Variants in GADL1 observed in about 807,000 individuals in gnomAD.
GADL1 encodes GAD like acidic amino acid decarboxylase 1, also known as acidic amino acid decarboxylase GADL1.
GADL1 carries 71 observed loss-of-function variants against 69.5 expected under a neutral mutation model. The observed-to-expected ratio is 1.02, with a 90% CI of 0.84 to 1.25. GADL1 has a LOEUF of 1.25. GADL1 is among the 50% of genes most tolerant of loss of function. The pLI is 0.00. For missense variants in GADL1, 737 were observed against 631.8 expected (o/e 1.17, Z -1.79); for synonymous variants, 254 against 214.4 (o/e 1.18, Z -1.62).
Position 30,728,302 on chromosome 3 carries a change from CACTT to C in GADL1, c.1502_1505del (p.Gln501ArgfsTer13). 1.2e-6 allele frequency: 2 copies of C among 1,613,910 alleles called. No homozygotes were observed. The highest frequency in any genetic ancestry group is 1.7e-6 in the Non-Finnish European group (2 of 1,179,840). On this transcript the variant is annotated frameshift_variant, in exon 15 of 15. Transcript: ENST00000282538. LOFTEE classifies it high-confidence loss of function. Reference sequence around the variant, plus strand: ...GGAGGAAGTCCATGTCCTCCCGGCTCACTTGAGGGCTGATCACCACCTGGCGGAA... The same window carrying C: ...GGAGGAAGTCCATGTCCTCCCGGCTCGAGGGCTGATCACCACCTGGCGGAA...
intron 3 of GADL1, among the ~76,000 whole-genome samples, 188 bp downstream of exon 3, chr3:30,856,827 C>G (rs552923702): frequency 6.6e-6 from 1 of 151,992 alleles, no homozygotes; most frequent in Non-Finnish European, 1.5e-5. Flanking sequence ...TTCCTGTCAA[C>G]TTATCTTTGG....
intron 12 of GADL1, among the ~76,000 whole-genome samples, chr3:30,796,642 C>T (rs1208248254): frequency 6.6e-6 from 1 of 152,094 alleles, no homozygotes; most frequent in Non-Finnish European, 1.5e-5. Flanking sequence ...ATCCATCTTC[C>T]TCCATAGGAA....
chr3:30,862,113 T>C (rs901395121), intron 1 of GADL1, among the ~76,000 whole-genome samples: 14 of 151,946 alleles, frequency 9.2e-5, no homozygotes, highest in Non-Finnish European at 1.8e-4. Context: ...CCATGCTAGA[T>C]GGTGTTTGAA....
At chr3:30,815,816 G>A (rs982125548) in intron 11 of GADL1, among the ~76,000 whole-genome samples, 1 of 152,136 alleles carries the variant, frequency 6.6e-6, no homozygotes, top group Non-Finnish European at 1.5e-5. Context: ...TGGGAAACAG[G>A]GTTGATCCAT....
At chr3:30,849,387 A>G (rs1299841603) in intron 6 of GADL1, among the ~76,000 whole-genome samples, 1 of 152,184 alleles carries the variant, frequency 6.6e-6, no homozygotes, top group Non-Finnish European at 1.5e-5. Context: ...GCACAAAGAA[A>G]TTAACTCACT....
chr3:30,746,409 C>G (rs972625335), intron 14 of GADL1, among the ~76,000 whole-genome samples: 1 of 152,112 alleles, frequency 6.6e-6, no homozygotes, highest in African/African-American at 2.4e-5. Context: ...CCAAATTTTC[C>G]CATGATTTTA....
chr3:30,790,003 T>G (rs1190252795), intron 12 of GADL1, among the ~76,000 whole-genome samples: 1 of 152,224 alleles, frequency 6.6e-6, no homozygotes, highest in Non-Finnish European at 1.5e-5. Flanking sequence ...TCAAGAACTT[T>G]TCCTTTGCAT....
chr3:30,861,130 C>T (rs1057505047), intron 2 of GADL1, among the ~76,000 whole-genome samples: 1 of 151,902 alleles, frequency 6.6e-6, no homozygotes, highest in African/African-American at 2.4e-5. Flanking sequence ...TAAATTTAGA[C>T]AAGCTCTTCA....
chr3:30,760,898 G>T (rs950817766), intron 14 of GADL1, among the ~76,000 whole-genome samples: 3 of 152,210 alleles, frequency 2.0e-5, no homozygotes, highest in Non-Finnish European at 2.9e-5. Context: ...AGGACATAGG[G>T]AAACTGGCCA....
At chr3:30,880,481 T>C (rs985345817) in intron 1 of GADL1, among the ~76,000 whole-genome samples, 6 of 151,866 alleles carry the variant, frequency 4.0e-5, no homozygotes, top group Non-Finnish European at 7.4e-5. Context: ...TAAAGGACAG[T>C]TCCCCTGCCC....
intron 6 of GADL1, among the ~76,000 whole-genome samples, chr3:30,846,045 T>G (rs1698048446): frequency 7.2e-6 from 1 of 138,986 alleles, no homozygotes; most frequent in Non-Finnish European, 1.5e-5. Flanking sequence ...CAATCTGAGA[T>G]AGATAGATCA....
At chr3:30,877,772 G>A (rs1698597868) in intron 1 of GADL1, among the ~76,000 whole-genome samples, 1 of 151,788 alleles carries the variant, frequency 6.6e-6, no homozygotes, top group Admixed American at 6.6e-5. Flanking sequence ...TCTGTTAAAG[G>A]GGCAAAATCT....
In GADL1 at chr3:30,797,370, ATC is replaced by A. The variant is rs561390262; in HGVS notation, c.1250+3517_1250+3518del. Among the ~76,000 whole-genome samples, 255 of 152,342 alleles carry A rather than the reference ATC, an allele frequency of 1.7e-3. 1 individual carries two copies. Among genetic ancestry groups the A allele is most frequent in the African/African-American group, 5.9e-3 (247 of 41,590 alleles). ...GTATAGAAAGAAGAAATTGCTATAAATCTCTAAGAAGGTCCTACATGATTTTC... is the reference window on the plus strand; with the variant it reads ...GTATAGAAAGAAGAAATTGCTATAAATCTAAGAAGGTCCTACATGATTTTC... On this transcript the variant is annotated intron_variant, in intron 12 of 14. Coordinates refer to ENST00000282538, the MANE Select transcript of GADL1 (RefSeq NM_207359.3).
intron 14 of GADL1, among the ~76,000 whole-genome samples, chr3:30,745,679 G>A (rs563509575): frequency 5.9e-5 from 9 of 152,130 alleles, no homozygotes; most frequent in Admixed American, 2.0e-4. Context: ...AGTGTCAAAT[G>A]TGCTCAGAAG....
chr3:30,766,170 C>A (rs1696270847), intron 14 of GADL1, among the ~76,000 whole-genome samples: 1 of 152,098 alleles, frequency 6.6e-6, no homozygotes, highest in Non-Finnish European at 1.5e-5. Context: ...ATATCTGAGG[C>A]CTCCAGGAGG....
chr3:30,865,534 C>T (rs1380655378), intron 1 of GADL1, among the ~76,000 whole-genome samples: 1 of 151,880 alleles, frequency 6.6e-6, no homozygotes, highest in Non-Finnish European at 1.5e-5. Flanking sequence ...GTCTGTATGC[C>T]TTTCTGAACT....
At chr3:30,757,503 A>G (rs1333312197) in intron 14 of GADL1, among the ~76,000 whole-genome samples, 1 of 152,200 alleles carries the variant, frequency 6.6e-6, no homozygotes, top group Non-Finnish European at 1.5e-5. Context: ...TGCTCACAGA[A>G]CTCTGGCTGT....
intron 11 of GADL1, among the ~76,000 whole-genome samples, chr3:30,802,974 G>A (rs541885344): frequency 6.6e-6 from 1 of 152,300 alleles, no homozygotes; most frequent in African/African-American, 2.4e-5. Flanking sequence ...GCATGTGCCT[G>A]TGGTTGTGGC....
chr3:30,795,780 C>CTTTTCCT (rs1246688091), intron 12 of GADL1, among the ~76,000 whole-genome samples: 1 of 152,116 alleles, frequency 6.6e-6, no homozygotes, highest in Non-Finnish European at 1.5e-5. Flanking sequence ...GTACTCTGCC[C>CTTTTCCT]TTTTCCTTGG....
Sources: gnomAD v4.1 joint callset for allele counts (sites outside exome capture counted in the v4.1 genomes callset) on GRCh38, gnomAD v4.1.1 for gene constraint, MANE v1.5 for transcripts, NCBI Gene and HGNC (gene_info 2026-07-23, HGNC 2026-07-21) for gene names.